LIN7A: variants seen among roughly 807,000 people sequenced by gnomAD.
The protein encoded by LIN7A is protein lin-7 homolog A.
In LIN7A, 25 loss-of-function variants were observed where a neutral mutation model predicts 29.8. The observed-to-expected ratio is 0.84, with a 90% CI of 0.61 to 1.17. The LOEUF (loss-of-function observed/expected upper bound fraction) is 1.17, where lower values mean the gene tolerates loss of function less well. Ranked by LOEUF, LIN7A falls within the 50% of genes most tolerant of loss-of-function variation. LIN7A has a pLI of 0.00. For missense variants in LIN7A, 239 were observed against 287.0 expected (o/e 0.83, Z 1.21); for synonymous variants, 118 against 107.5 (o/e 1.10, Z -0.60).
intron 1 of LIN7A, among the ~76,000 whole-genome samples, chr12:80,895,984 C>T (rs1455570310): frequency 6.6e-6 from 1 of 152,142 alleles, no homozygotes; most frequent in Non-Finnish European, 1.5e-5. Context: ...GGCTTTCAAC[C>T]AAATACAAGC....
At chr12:80,916,746 T>C (rs763525221) in intron 1 of LIN7A, among the ~76,000 whole-genome samples, 1 of 152,148 alleles carries the variant, frequency 6.6e-6, no homozygotes, top group Non-Finnish European at 1.5e-5. Context: ...GTTGCAGGAA[T>C]AGGAAAAGAT....
In LIN7A at chr12:80,935,227, G is replaced by C. The variant is rs1253009190; in HGVS notation, c.82+2414C>G. 4.6e-5 allele frequency among the ~76,000 whole-genome samples: 7 copies of C among 152,290 alleles called. No homozygotes were observed. The East Asian group carries it at 1.2e-3, about 25-fold the overall frequency. On this transcript the variant is annotated intron_variant, in intron 1 of 5. Transcript: ENST00000552864. ...CCCTCACGGAGTTCTATCCAATAGG[G>C]ATAGACAAATGCAACAGAGTGTGAT...
intron 4 of LIN7A, among the ~76,000 whole-genome samples, chr12:80,836,935 A>AT (rs542423797): frequency 0.015 from 2,167 of 142,860 alleles, 36 homozygotes; most frequent in African/African-American, 0.04. Flanking sequence ...TTTCACGTAC[A>AT]TTTTTTTTTT....
At chr12:80,881,195 T>A (rs540793513) in intron 2 of LIN7A, among the ~76,000 whole-genome samples, 1 of 152,302 alleles carries the variant, frequency 6.6e-6, no homozygotes, top group Admixed American at 6.5e-5. Context: ...ATTTTCAGGA[T>A]GCTCAGAAAT....
rs920757258 is a variant in LIN7A at position 80,838,400 on chromosome 12, A to G, written c.483+7330T>C. Among the ~76,000 whole-genome samples, 6 of 152,340 alleles carry G rather than the reference A, an allele frequency of 3.9e-5. 1 individual carries two copies. The highest frequency in any genetic ancestry group is 6.8e-3 in the Middle Eastern group (2 of 294). ...TTTCCCTGTTCTGCTTTTTAAATTA[A>G]AAGATCTCTTATTGTGAGCCAACTC... On this transcript the variant is annotated intron_variant, in intron 4 of 5. Transcript: ENST00000552864.
At chr12:80,845,701 G>T in intron 4 of LIN7A, 29 bp downstream of exon 4, 2 of 1,572,392 alleles carry the variant, frequency 1.3e-6, no homozygotes, top group Non-Finnish European at 1.7e-6. Flanking sequence ...TGCTTAAGGA[G>T]AAAATCTCTG....
At chr12:80,904,672 A>G (rs140933242) in intron 1 of LIN7A, among the ~76,000 whole-genome samples, 60 of 152,322 alleles carry the variant, frequency 3.9e-4, no homozygotes, top group African/African-American at 9.1e-4. Context: ...AATTGAATAT[A>G]GGTTGAATAT....
At chr12:80,928,101 C>G (rs1049414967) in intron 1 of LIN7A, among the ~76,000 whole-genome samples, 7 of 152,172 alleles carry the variant, frequency 4.6e-5, no homozygotes, top group African/African-American at 1.7e-4. Flanking sequence ...TTAATCCAGT[C>G]TATCATTGAT....
chr12:80,863,331 A>C (rs1186485962), intron 2 of LIN7A, among the ~76,000 whole-genome samples: 1 of 152,224 alleles, frequency 6.6e-6, no homozygotes, highest in African/African-American at 2.4e-5. Flanking sequence ...AATATGCATA[A>C]TTAAACATAC....
chr12:80,804,444 G>A (rs942186627), intron 5 of LIN7A, among the ~76,000 whole-genome samples: 10 of 151,428 alleles, frequency 6.6e-5, no homozygotes, highest in African/African-American at 2.4e-4. Flanking sequence ...TTGATTTTTA[G>A]TTCCCACAAA....
At chr12:80,833,058 G>A (rs1258824879) in intron 4 of LIN7A, among the ~76,000 whole-genome samples, 1 of 152,136 alleles carries the variant, frequency 6.6e-6, no homozygotes, top group Non-Finnish European at 1.5e-5. Context: ...TGAGTGAAAA[G>A]TTTACATAAT....
At chr12:80,808,500 CTTTTTTCT>C (rs1384050290) in intron 5 of LIN7A, among the ~76,000 whole-genome samples, 3 of 147,882 alleles carry the variant, frequency 2.0e-5, no homozygotes, top group African/African-American at 4.9e-5. Flanking sequence ...TTTCTTTTTT[CTTTTTTCT>C]TTTTTTTTTT....
At chr12:80,936,302 A>G (rs1035171656) in intron 1 of LIN7A, 1 of 152,554 alleles carries the variant, frequency 6.6e-6, no homozygotes, top group Non-Finnish European at 1.5e-5. Context: ...CTCTTACCCT[A>G]AGAAAGGTTG....
chr12:80,906,623 G>A (rs1313342877), intron 1 of LIN7A, among the ~76,000 whole-genome samples: 1 of 151,954 alleles, frequency 6.6e-6, no homozygotes, highest in Non-Finnish European at 1.5e-5. Context: ...TGATTAGAAA[G>A]GAGCCAGACG....
chr12:80,927,550 T>C (rs1338138900), intron 1 of LIN7A, among the ~76,000 whole-genome samples: 2 of 152,150 alleles, frequency 1.3e-5, no homozygotes, highest in Non-Finnish European at 2.9e-5. Flanking sequence ...AATGTGGAAA[T>C]TCATTGGGTA....
intron 1 of LIN7A, among the ~76,000 whole-genome samples, chr12:80,916,001 C>A (rs1294448496): frequency 3.9e-5 from 6 of 151,958 alleles, no homozygotes; most frequent in Non-Finnish European, 1.5e-5. Flanking sequence ...TTCTAACAAA[C>A]CTGCACATGT....
intron 1 of LIN7A, among the ~76,000 whole-genome samples, chr12:80,922,600 T>C (rs1877373258): frequency 6.6e-6 from 1 of 152,214 alleles, no homozygotes; most frequent in African/African-American, 2.4e-5. Context: ...TACTTTCTTA[T>C]AATTTAATCT....
intron 1 of LIN7A, among the ~76,000 whole-genome samples, chr12:80,922,213 G>T (rs1209155746): frequency 6.6e-6 from 1 of 152,096 alleles, no homozygotes; most frequent in Admixed American, 6.5e-5. Flanking sequence ...AGCATTACTT[G>T]GTCCACTTAA....
chr12:80,816,048 A>G (rs1036149523), intron 4 of LIN7A, among the ~76,000 whole-genome samples: 1 of 152,202 alleles, frequency 6.6e-6, no homozygotes, highest in Admixed American at 6.5e-5. Context: ...AAGACTGTAC[A>G]TTCCCATCCT....
Sources: allele counts gnomAD v4.1 joint callset (sites outside exome capture counted in the v4.1 genomes callset), GRCh38; gene constraint gnomAD v4.1.1; transcripts MANE v1.5; gene names NCBI Gene and HGNC (gene_info 2026-07-23, HGNC 2026-07-21).